The following FAM107B variants were observed in gnomAD, a reference collection of about 807,000 sequenced individuals.
FAM107B encodes the protein protein FAM107B.
A neutral mutation model predicts 31.5 loss-of-function variants in FAM107B; 21 were observed. The observed-to-expected ratio is 0.67, with a 90% CI of 0.47 to 0.96. The LOEUF (loss-of-function observed/expected upper bound fraction) is 0.96. Ranked by LOEUF, FAM107B falls within the 40% of genes least tolerant of loss-of-function variation. FAM107B has a pLI of 0.00. For missense variants in FAM107B, 452 were observed against 377.1 expected (o/e 1.20, Z -1.64); for synonymous variants, 157 against 141.5 (o/e 1.11, Z -0.78).
intron 2 of FAM107B, among the ~76,000 whole-genome samples, chr10:14,626,870 C>T (rs1317585249): frequency 2.0e-5 from 3 of 152,220 alleles, no homozygotes; most frequent in Non-Finnish European, 1.5e-5. Context: ...AGCACATTGT[C>T]GATGGCCTCT....
In FAM107B at chr10:14,637,841, A is replaced by G. The variant is rs189900408; in HGVS notation, c.469+29793T>C. On this transcript the variant is annotated intron_variant, in intron 2 of 4. Coordinates refer to ENST00000181796, the MANE Select transcript of FAM107B (RefSeq NM_031453.4). ...AACCAGGAAAAAAACAGAAGCTTTC[A>G]ATCTTACCTACACCTGCAAAGAACT... Among the ~76,000 whole-genome samples the G allele has an allele frequency of 2.9e-3, 445 of 152,234 alleles. 2 individuals are homozygous for G. The highest frequency in any genetic ancestry group is 4.0e-3 in the Non-Finnish European group (272 of 68,014).
At chr10:14,602,522 A>G (rs1852432700) in intron 2 of FAM107B, 1 of 152,250 alleles carries the variant, frequency 6.6e-6, no homozygotes, top group African/African-American at 2.4e-5. Flanking sequence ...GATTCTCAGG[A>G]AAACCCTTAT....
chr10:14,520,162 T>C lies in FAM107B; in HGVS notation c.*1028A>G, dbSNP rs993411678. On this transcript the variant is annotated 3_prime_UTR_variant, in exon 5 of 5. Transcript: ENST00000181796. ...ATTTTCAAAGCTTGGATTCTAATGA[T>C]ATGCATTATCATTAGACATTCAAAT... 6.6e-6 allele frequency: 1 copy of C among 152,504 alleles called. No homozygotes were observed. The highest frequency in any genetic ancestry group is 6.5e-5 in the Admixed American group (1 of 15,286). 9.4% of individuals were successfully genotyped at this position (152,504 alleles called of 1,614,324 possible). A position where few individuals can be genotyped will look rare whatever the true frequency, so the allele number is the denominator to read the frequency against.
At chr10:14,589,253 G>A (rs1851942874) in intron 2 of FAM107B, among the ~76,000 whole-genome samples, 1 of 151,632 alleles carries the variant, frequency 6.6e-6, no homozygotes, top group African/African-American at 2.4e-5. Flanking sequence ...TTTTAAAGCT[G>A]TAGGTTGGCA....
chr10:14,749,322 C>G (rs867802117), intron 1 of FAM107B, among the ~76,000 whole-genome samples: 1 of 152,234 alleles, frequency 6.6e-6, no homozygotes, highest in South Asian at 2.1e-4. Flanking sequence ...GGGTGACTGC[C>G]GGATGGAAGG....
chr10:14,533,432 C>A (rs991999998), intron 2 of FAM107B, among the ~76,000 whole-genome samples: 1 of 152,120 alleles, frequency 6.6e-6, no homozygotes, highest in African/African-American at 2.4e-5. Flanking sequence ...GGATCTAGGA[C>A]GTGTCGAGTC....
At chr10:14,679,891 C>G (rs1854786310) in intron 1 of FAM107B, among the ~76,000 whole-genome samples, 1 of 152,206 alleles carries the variant, frequency 6.6e-6, no homozygotes. Flanking sequence ...CTCCATCTTT[C>G]TCCCGTGCTG....
chr10:14,548,581 A>G, intron 2 of FAM107B: 4 of 985,396 alleles, frequency 4.1e-6, no homozygotes, highest in Non-Finnish European at 4.8e-6. Context: ...TGCCCCAGAT[A>G]CACATGGGAA....
intron 1 of FAM107B, among the ~76,000 whole-genome samples, chr10:14,744,110 A>G (rs1462057994): frequency 2.6e-5 from 4 of 152,130 alleles, no homozygotes; most frequent in Non-Finnish European, 5.9e-5. Flanking sequence ...TTTTGCAGCA[A>G]TTGTGAATGG....
At chr10:14,666,187 C>T (rs898499323) in intron 2 of FAM107B, among the ~76,000 whole-genome samples, 5 of 152,204 alleles carry the variant, frequency 3.3e-5, no homozygotes, top group Middle Eastern at 3.4e-3. Flanking sequence ...GTGTATTAGG[C>T]CATTCTCATG....
intron 2 of FAM107B, among the ~76,000 whole-genome samples, chr10:14,582,670 C>T (rs1013901125): frequency 6.6e-6 from 1 of 152,110 alleles, no homozygotes; most frequent in East Asian, 1.9e-4. Flanking sequence ...AGCCACCACA[C>T]CCAGCCTACC....
chr10:14,645,180 A>T (rs1287333558), intron 2 of FAM107B, among the ~76,000 whole-genome samples: 1 of 152,210 alleles, frequency 6.6e-6, no homozygotes, highest in East Asian at 1.9e-4. Flanking sequence ...GATTCAGGAC[A>T]TGCTGCTGGA....
intron 2 of FAM107B, among the ~76,000 whole-genome samples, chr10:14,635,184 T>G (rs1404410336): frequency 6.6e-6 from 1 of 151,702 alleles, no homozygotes; most frequent in Non-Finnish European, 1.5e-5. Flanking sequence ...CTCAGTTTTT[T>G]TGGCCTGAAG....
intron 1 of FAM107B, among the ~76,000 whole-genome samples, chr10:14,753,203 C>T (rs1384271732): frequency 6.6e-6 from 1 of 152,196 alleles, no homozygotes; most frequent in Non-Finnish European, 1.5e-5. Context: ...AGCACACACG[C>T]ATGTTCACAC....
intron 2 of FAM107B, among the ~76,000 whole-genome samples, chr10:14,643,394 T>G (rs1314998028): frequency 6.6e-6 from 1 of 150,672 alleles, no homozygotes; most frequent in Non-Finnish European, 1.5e-5. Context: ...AGACCCATAT[T>G]AGGGAGGTCA....
Position 14,688,294 on chromosome 10 carries a change from T to C in FAM107B, c.412-20603A>G, listed in dbSNP as rs530278565. ...TTCCCTACTTTTGAGGTTTTGGGAC[T>C]CGGACTGGCTTTCTTGCTCCTCAGC... is the stretch of plus-strand genomic sequence containing the variant. On this transcript the variant is annotated intron_variant, in intron 1 of 4. Coordinates refer to ENST00000181796, the MANE Select transcript of FAM107B (RefSeq NM_031453.4). 3.3e-5 allele frequency among the ~76,000 whole-genome samples: 5 copies of C among 152,222 alleles called. 1 individual carries two copies. In the South Asian group the frequency reaches 1.0e-3, roughly 31 times the overall value.
chr10:14,621,193 G>A (rs1853001636), intron 2 of FAM107B, among the ~76,000 whole-genome samples: 1 of 152,018 alleles, frequency 6.6e-6, no homozygotes, highest in East Asian at 1.9e-4. Flanking sequence ...TCTTTTCAGG[G>A]AATTTCAGGG....
chr10:14,584,502 T>C (rs554190847), intron 2 of FAM107B, among the ~76,000 whole-genome samples: 1 of 152,310 alleles, frequency 6.6e-6, no homozygotes, highest in African/African-American at 2.4e-5. Context: ...TAAGATGCTG[T>C]GATCCAAATA....
chr10:14,601,007 T>C (rs1245961156), intron 2 of FAM107B, among the ~76,000 whole-genome samples: 1 of 152,198 alleles, frequency 6.6e-6, no homozygotes, highest in Non-Finnish European at 1.5e-5. Flanking sequence ...CCTCAAGCAG[T>C]CCTCCTGCTT....
Sources: allele counts gnomAD v4.1 joint callset (sites outside exome capture counted in the v4.1 genomes callset), GRCh38; gene constraint gnomAD v4.1.1; transcripts MANE v1.5; gene names NCBI Gene and HGNC (gene_info 2026-07-23, HGNC 2026-07-21).